Variants in BABAM2 observed in about 807,000 individuals in gnomAD.
The protein encoded by BABAM2 is BRISC and BRCA1-A complex member 2.
BABAM2 carries 31 observed loss-of-function variants against 54.7 expected under a neutral mutation model. The observed-to-expected ratio is 0.57, with a 90% CI of 0.43 to 0.77. The LOEUF (loss-of-function observed/expected upper bound fraction) is 0.77. Ranked by LOEUF, BABAM2 falls within the 30% of genes least tolerant of loss-of-function variation. BABAM2 has a pLI of 0.00. For missense variants in BABAM2, 364 were observed against 455.8 expected (o/e 0.80, Z 1.83); for synonymous variants, 167 against 162.9 (o/e 1.03, Z -0.19).
intron 11 of BABAM2, among the ~76,000 whole-genome samples, chr2:28,318,274 C>T (rs1689738049): frequency 6.6e-6 from 1 of 152,170 alleles, no homozygotes; most frequent in Non-Finnish European, 1.5e-5. Context: ...GGGCAAACAA[C>T]AGCCTGAGGG....
At chr2:28,009,471 G>A (rs1674234937) in intron 4 of BABAM2, among the ~76,000 whole-genome samples, 1 of 152,076 alleles carries the variant, frequency 6.6e-6, no homozygotes, top group African/African-American at 2.4e-5. Flanking sequence ...TCTGTTTGAC[G>A]ATGAGTTGAT....
chr2:28,121,661 C>G (rs1299557318), intron 6 of BABAM2, among the ~76,000 whole-genome samples: 1 of 152,134 alleles, frequency 6.6e-6, no homozygotes, highest in African/African-American at 2.4e-5. Context: ...TCATTTCCTC[C>G]TCATTCCTTA....
chr2:28,192,261 C>T (rs1367571088), intron 7 of BABAM2, among the ~76,000 whole-genome samples: 1 of 152,056 alleles, frequency 6.6e-6, no homozygotes, highest in Non-Finnish European at 1.5e-5. Flanking sequence ...GTCTTGATCT[C>T]CTGACCTCGT....
intron 11 of BABAM2, among the ~76,000 whole-genome samples, chr2:28,307,474 C>T (rs964907629): frequency 2.7e-5 from 4 of 150,768 alleles, no homozygotes; most frequent in Non-Finnish European, 5.9e-5. Context: ...TTTTAGTTTA[C>T]CATTTTCTCT....
chr2:27,996,084 T>A (rs756170961), intron 4 of BABAM2, among the ~76,000 whole-genome samples: 5 of 152,202 alleles, frequency 3.3e-5, no homozygotes, highest in East Asian at 3.8e-4. Flanking sequence ...TTGATTTTTC[T>A]GTGTGTGTTT....
intron 7 of BABAM2, among the ~76,000 whole-genome samples, chr2:28,213,225 C>CAA (rs754472524): frequency 7.0e-5 from 9 of 129,200 alleles, no homozygotes; most frequent in Non-Finnish European, 1.0e-4. Context: ...GACCCTGTCT[C>CAA]AAAAAAAAAA....
chr2:27,988,976 G>A (rs1318444181), intron 4 of BABAM2, among the ~76,000 whole-genome samples: 1 of 152,008 alleles, frequency 6.6e-6, no homozygotes. Context: ...ACCCTTTAAA[G>A]GTATTAAACA....
intron 7 of BABAM2, among the ~76,000 whole-genome samples, chr2:28,134,933 C>A (rs1670408806): frequency 6.6e-6 from 1 of 152,166 alleles, no homozygotes; most frequent in Admixed American, 6.5e-5. Flanking sequence ...CCCCCTGTTC[C>A]TTCACTTATT....
chr2:28,007,117 G>T (rs1189065214), intron 4 of BABAM2, among the ~76,000 whole-genome samples: 1 of 151,694 alleles, frequency 6.6e-6, no homozygotes, highest in Non-Finnish European at 1.5e-5. Context: ...TTATATTGTA[G>T]CTGTATAGCA....
chr2:27,980,144 T>C (rs571979526), intron 3 of BABAM2, among the ~76,000 whole-genome samples: 1 of 152,324 alleles, frequency 6.6e-6, no homozygotes, highest in Non-Finnish European at 1.5e-5. Context: ...TCTTATTTTG[T>C]TGTTAGGTGG....
intron 3 of BABAM2, among the ~76,000 whole-genome samples, chr2:27,942,757 T>G (rs1669002674): frequency 6.6e-6 from 1 of 151,892 alleles, no homozygotes; most frequent in Admixed American, 6.6e-5. Context: ...GCAGGGCACC[T>G]GATAATAACT....
At chr2:28,294,753 T>C (rs1016384141) in intron 10 of BABAM2, among the ~76,000 whole-genome samples, 4 of 152,238 alleles carry the variant, frequency 2.6e-5, no homozygotes, top group African/African-American at 9.6e-5. Context: ...TTGACTGATA[T>C]AGACAGGATA....
intron 3 of BABAM2, among the ~76,000 whole-genome samples, chr2:27,987,006 T>C (rs951158272): frequency 6.6e-6 from 1 of 152,214 alleles, no homozygotes; most frequent in African/African-American, 2.4e-5. Flanking sequence ...AATGAGACTT[T>C]GTAAATTTGT....
At position 28,237,114 on chromosome 2, in the gene BABAM2, A is replaced by G. The variant is rs115890547; in HGVS notation, c.681-88A>G. ...CTAGGCAGTTGGTGGCCAGACTTTG[A>G]TGAGAGAAGCCAAGTCTGCTTGGGG... is the stretch of plus-strand genomic sequence containing the variant. On this transcript the variant is annotated intron_variant, in intron 7 of 11. Coordinates refer to ENST00000379624, the MANE Select transcript of BABAM2 (RefSeq NM_199191.3). The G allele has an allele frequency of 1.5e-3, 1,574 of 1,081,792 alleles. 21 individuals carry two copies. The African/African-American group carries it at 0.021, about 14-fold the overall frequency. 67.0% of individuals were successfully genotyped at this position (1,081,792 alleles called of 1,614,324 possible).
At chr2:27,992,244 A>G (rs1235312830) in intron 4 of BABAM2, among the ~76,000 whole-genome samples, 2 of 152,116 alleles carry the variant, frequency 1.3e-5, no homozygotes, top group Middle Eastern at 6.3e-3. Context: ...TTTATTGTTC[A>G]GTTGTAAGAG....
intron 3 of BABAM2, among the ~76,000 whole-genome samples, chr2:27,933,949 G>A (rs1668302477): frequency 6.6e-6 from 1 of 151,392 alleles, no homozygotes; most frequent in Non-Finnish European, 1.5e-5. Context: ...TGGGGGATTG[G>A]TTCCAAGATG....
intron 11 of BABAM2, chr2:28,309,568 A>T (rs190667919): frequency 6.5e-6 from 1 of 153,116 alleles, no homozygotes; most frequent in East Asian, 1.9e-4. Context: ...TATCAGCAGC[A>T]ACATCCCTAG....
chr2:28,165,141 T>TA (rs1673510232), intron 7 of BABAM2, among the ~76,000 whole-genome samples: 1 of 152,212 alleles, frequency 6.6e-6, no homozygotes. Context: ...ATTGCCAGTG[T>TA]ACTGCGGGAG....
chr2:27,931,364 C>T (rs577750296), intron 3 of BABAM2, among the ~76,000 whole-genome samples: 14 of 152,178 alleles, frequency 9.2e-5, no homozygotes, highest in Non-Finnish European at 1.8e-4. Flanking sequence ...GAATCACTTG[C>T]AGATTCTAAA....
Sources: gnomAD v4.1 joint callset for allele counts (sites outside exome capture counted in the v4.1 genomes callset) on GRCh38, gnomAD v4.1.1 for gene constraint, MANE v1.5 for transcripts, NCBI Gene and HGNC (gene_info 2026-07-23, HGNC 2026-07-21) for gene names.